The following EPB41L4A variants were observed in gnomAD, a reference collection of about 807,000 sequenced individuals.
The protein encoded by EPB41L4A is band 4.1-like protein 4A.
EPB41L4A carries 100 observed loss-of-function variants against 108.6 expected under a neutral mutation model. The observed-to-expected ratio is 0.92, with a 90% CI of 0.78 to 1.09. The LOEUF (loss-of-function observed/expected upper bound fraction) is 1.09. Among genes scored for constraint, EPB41L4A ranks in the 50% least tolerant of loss-of-function variants. EPB41L4A has a pLI of 0.00. For missense variants in EPB41L4A, 1,030 were observed against 842.7 expected (o/e 1.22, Z -2.75); for synonymous variants, 319 against 289.0 (o/e 1.10, Z -1.05).
chr5:112,344,875 ACTGGAGTG>A (rs1269491084), intron 1 of EPB41L4A, among the ~76,000 whole-genome samples: 2 of 152,354 alleles, frequency 1.3e-5, no homozygotes, highest in East Asian at 3.9e-4. Context: ...ACAGAAAGAG[ACTGGAGTG>A]CTTGACTTTT....
intron 1 of EPB41L4A, among the ~76,000 whole-genome samples, chr5:112,371,486 T>C (rs1296837232): frequency 1.3e-5 from 2 of 152,146 alleles, no homozygotes; most frequent in Non-Finnish European, 2.9e-5. Context: ...CTTCCCTCCG[T>C]TCCTCAGAGG....
intron 18 of EPB41L4A, chr5:112,173,813 T>G (rs1468401424): frequency 6.6e-6 from 1 of 152,062 alleles, no homozygotes; most frequent in Non-Finnish European, 1.5e-5. Flanking sequence ...CCAGCTAATT[T>G]TTGTATTTTT....
intron 1 of EPB41L4A, among the ~76,000 whole-genome samples, chr5:112,343,014 T>G (rs998878366): frequency 6.6e-6 from 1 of 152,192 alleles, no homozygotes; most frequent in African/African-American, 2.4e-5. Context: ...ATATTCAGAA[T>G]GTGGCCGATA....
At chr5:112,364,303 G>A (rs570761257) in intron 1 of EPB41L4A, among the ~76,000 whole-genome samples, 1 of 152,210 alleles carries the variant, frequency 6.6e-6, no homozygotes, top group East Asian at 1.9e-4. Context: ...TGGGATTATA[G>A]ACGTGAACCA....
At chr5:112,360,803 G>C (rs530932281) in intron 1 of EPB41L4A, among the ~76,000 whole-genome samples, 1 of 151,920 alleles carries the variant, frequency 6.6e-6, no homozygotes, top group Non-Finnish European at 1.5e-5. Flanking sequence ...GTCTCTGCCC[G>C]GCCGCCCATC....
rs1173469571 is a variant in EPB41L4A at position 112,266,071 on chromosome 5, T to A, written c.433+162A>T. Among the ~76,000 whole-genome samples the A allele has an allele frequency of 3.3e-5, 5 of 152,210 alleles. No homozygotes were observed. In the East Asian group the frequency reaches 9.6e-4, roughly 29 times the overall value. On this transcript the variant is annotated intron_variant, in intron 5 of 22. Transcript: ENST00000261486. ...TGTACTAGGCTCCACTTTTACCTGT[T>A]CCGAAGGAACACTGAACAAAACTTG...
intron 1 of EPB41L4A, among the ~76,000 whole-genome samples, chr5:112,335,070 G>T (rs1490847390): frequency 6.6e-6 from 1 of 152,142 alleles, no homozygotes; most frequent in East Asian, 1.9e-4. Context: ...ACTCTGTCAA[G>T]TAGAGGAACA....
At chr5:112,168,867 A>T in intron 21 of EPB41L4A, 47 bp from the exon 22 acceptor site, 1 of 1,552,452 alleles carries the variant, frequency 6.4e-7, no homozygotes, top group Non-Finnish European at 8.9e-7. Context: ...AGTATCTAGA[A>T]TCATAAATTA....
intron 17 of EPB41L4A, among the ~76,000 whole-genome samples, chr5:112,188,365 A>T (rs1259076183): frequency 6.6e-6 from 1 of 152,144 alleles, no homozygotes; most frequent in Admixed American, 6.5e-5. Context: ...TTGCTCTTAA[A>T]GGTACTTCTG....
chr5:112,192,215 T>A (rs539969802), intron 17 of EPB41L4A: 1 of 152,502 alleles, frequency 6.6e-6, no homozygotes, highest in East Asian at 1.9e-4. Flanking sequence ...CAGCACAGCA[T>A]AGCAGGTAAG....
chr5:112,270,267 G>A (rs752455949), intron 4 of EPB41L4A, among the ~76,000 whole-genome samples: 1 of 152,164 alleles, frequency 6.6e-6, no homozygotes, highest in Non-Finnish European at 1.5e-5. Context: ...TGTAGGGACA[G>A]GGAGGAGTTT....
rs1212190600 is a variant in EPB41L4A at position 112,204,420 on chromosome 5, G to A, written c.1331C>T (p.Pro444Leu). The A allele has an allele frequency of 6.2e-7, 1 of 1,613,990 alleles. No homozygotes were observed. The highest frequency in any genetic ancestry group is 1.7e-5 in the Admixed American group (1 of 60,012). The stretch of plus-strand genomic sequence containing the variant: ...AGAATCATTGTCACTTCCACAGGAG[G>A]GGTTTCGGCGACGCGTGTAAGGGAA... Reference protein sequence around the residue: ...PKFPYTRRRNPSCGSDNDSVQ... With the variant: ...PKFPYTRRRNLSCGSDNDSVQ... Residue 444 changes from proline (P) to leucine (L), a missense_variant, in exon 15 of 23, where the codon CCC (proline) becomes CTC (leucine). Coordinates refer to ENST00000261486, the MANE Select transcript of EPB41L4A (RefSeq NM_022140.5).
At chr5:112,235,272 G>A (rs1228488769) in intron 11 of EPB41L4A, among the ~76,000 whole-genome samples, 1 of 152,184 alleles carries the variant, frequency 6.6e-6, no homozygotes, top group East Asian at 1.9e-4. Flanking sequence ...ACTGAAGGCA[G>A]GCCTAGAACC....
chr5:112,233,500 G>C (rs1749106070), intron 12 of EPB41L4A, among the ~76,000 whole-genome samples: 1 of 152,118 alleles, frequency 6.6e-6, no homozygotes, highest in Admixed American at 6.5e-5. Flanking sequence ...CACAATAAAA[G>C]ACCAATAATA....
chr5:112,270,531 T>C (rs768273760), intron 4 of EPB41L4A, among the ~76,000 whole-genome samples: 2 of 152,210 alleles, frequency 1.3e-5, no homozygotes, highest in Non-Finnish European at 2.9e-5. Context: ...TCATAACTCT[T>C]TAACCTCTAA....
intron 1 of EPB41L4A, among the ~76,000 whole-genome samples, chr5:112,385,235 A>G (rs1760433030): frequency 2.0e-5 from 3 of 152,200 alleles, no homozygotes; most frequent in Non-Finnish European, 4.4e-5. Context: ...CCCCTCTGAT[A>G]AAAAGATGCA....
At chr5:112,253,594 G>A (rs1003392865) in intron 9 of EPB41L4A, among the ~76,000 whole-genome samples, 2 of 152,140 alleles carry the variant, frequency 1.3e-5, no homozygotes, top group Non-Finnish European at 2.9e-5. Context: ...TAACCATACT[G>A]CAGTTACATC....
chr5:112,370,532 T>A (rs1261269774), intron 1 of EPB41L4A, among the ~76,000 whole-genome samples: 1 of 152,156 alleles, frequency 6.6e-6, no homozygotes, highest in Non-Finnish European at 1.5e-5. Context: ...TGATAACCAA[T>A]CCAGTCATCA....
At chr5:112,192,808 C>T (rs957385093) in intron 17 of EPB41L4A, among the ~76,000 whole-genome samples, 3 of 152,156 alleles carry the variant, frequency 2.0e-5, no homozygotes, top group Admixed American at 6.5e-5. Flanking sequence ...TTCAGGGCCA[C>T]CTTCTGAACA....
Sources: allele counts gnomAD v4.1 joint callset (sites outside exome capture counted in the v4.1 genomes callset), GRCh38; gene constraint gnomAD v4.1.1; transcripts MANE v1.5; gene names NCBI Gene and HGNC (gene_info 2026-07-23, HGNC 2026-07-21).